Variants in BACH2 observed in about 807,000 individuals in gnomAD.
The protein encoded by BACH2 is BACH transcriptional regulator 2, also known as transcription regulator protein BACH2.
Under a neutral mutation model 61.8 loss-of-function variants are expected in BACH2, and 5 were observed. The ratio of observed to expected loss-of-function variants is 0.08; its 90% CI spans 0.04 to 0.17. The LOEUF (loss-of-function observed/expected upper bound fraction) is 0.17, where lower values mean the gene tolerates loss of function less well. Among genes scored for constraint, BACH2 ranks in the 10% least tolerant of loss-of-function variants. The pLI is 1.00. For synonymous variants in BACH2, 446 were observed against 440.1 expected (o/e 1.01, Z -0.17); for missense variants, 824 against 1,091.1 (o/e 0.76, Z 3.45).
At chr6:90,177,006 GTTAAT>G (rs1768004553) in intron 4 of BACH2, among the ~76,000 whole-genome samples, 2 of 152,034 alleles carry the variant, frequency 1.3e-5, no homozygotes, top group African/African-American at 4.8e-5. Context: ...ATGTTAATAT[GTTAAT>G]TTAATATGTT....
intron 3 of BACH2, among the ~76,000 whole-genome samples, chr6:90,231,471 C>A (rs1770093942): frequency 6.6e-6 from 1 of 152,206 alleles, no homozygotes; most frequent in African/African-American, 2.4e-5. Context: ...ACATTCACAT[C>A]CTGTTACCAA....
chr6:90,226,185 T>G (rs997923492), intron 3 of BACH2, among the ~76,000 whole-genome samples: 3 of 152,048 alleles, frequency 2.0e-5, no homozygotes, highest in African/African-American at 7.2e-5. Flanking sequence ...ACAGCATGAA[T>G]AGCTTTATGA....
chr6:89,945,824 G>C (rs1773689167), intron 7 of BACH2, among the ~76,000 whole-genome samples: 1 of 152,164 alleles, frequency 6.6e-6, no homozygotes. Flanking sequence ...GGTGCTCCCA[G>C]TTTTTTCTTA....
At chr6:90,166,879 G>A (rs959467566) in intron 4 of BACH2, among the ~76,000 whole-genome samples, 3 of 145,282 alleles carry the variant, frequency 2.1e-5, no homozygotes, top group African/African-American at 7.6e-5. Flanking sequence ...ACACAGGAAG[G>A]GGAACATCAC....
intron 3 of BACH2, among the ~76,000 whole-genome samples, chr6:90,250,137 T>A (rs1465047460): frequency 6.6e-6 from 1 of 152,196 alleles, no homozygotes; most frequent in Non-Finnish European, 1.5e-5. Context: ...AAGAACAAGA[T>A]GATTCATATA....
intron 4 of BACH2, among the ~76,000 whole-genome samples, chr6:90,146,112 T>G (rs938535244): frequency 1.3e-5 from 2 of 152,262 alleles, no homozygotes; most frequent in Non-Finnish European, 2.9e-5. Flanking sequence ...GAATAATTTA[T>G]TTTTAAGATT....
intron 3 of BACH2, among the ~76,000 whole-genome samples, chr6:90,218,498 TTTTC>T (rs907869592): frequency 1.5e-4 from 22 of 148,430 alleles, no homozygotes; most frequent in Middle Eastern, 3.4e-3. Flanking sequence ...CCTCTTTTTC[TTTTC>T]TTTCTTTTTT....
intron 4 of BACH2, among the ~76,000 whole-genome samples, chr6:90,161,020 G>A (rs996298562): frequency 2.2e-4 from 33 of 151,302 alleles, no homozygotes; most frequent in African/African-American, 7.5e-4. Flanking sequence ...CCCGGGAGGC[G>A]GAGCTTGCAG....
intron 6 of BACH2, among the ~76,000 whole-genome samples, chr6:89,999,847 T>C (rs1777043485): frequency 1.3e-5 from 2 of 152,336 alleles, no homozygotes; most frequent in Non-Finnish European, 2.9e-5. Flanking sequence ...TAAATCTATT[T>C]CAAAATGTTG....
chr6:90,080,180 A>G (rs371319004), intron 5 of BACH2, among the ~76,000 whole-genome samples: 5 of 152,170 alleles, frequency 3.3e-5, no homozygotes, highest in Admixed American at 1.3e-4. Flanking sequence ...AAGTTCTTCA[A>G]ATTAACAAAA....
intron 4 of BACH2, among the ~76,000 whole-genome samples, chr6:90,107,792 C>T (rs1011419521): frequency 6.6e-6 from 1 of 151,612 alleles, no homozygotes; most frequent in African/African-American, 2.4e-5. Context: ...TGTCTATTCA[C>T]TCGGTGGCAA....
chr6:90,158,428 T>TGGGTAGGG (rs151159648), intron 4 of BACH2, among the ~76,000 whole-genome samples: 5,344 of 151,980 alleles, frequency 0.035, 142 homozygotes, highest in East Asian at 0.091. Flanking sequence ...GAAAGGCAGG[T>TGGGTAGGG]GTGGGAGGCA....
rs138869202 is a variant in BACH2 at position 90,295,654 on chromosome 6, GGTGTGTGTGT to G, written c.-446+816_-446+825del. ...CTGGGGCTTGGAGACTGGAGTGTAG[GGTGTGTGTGT>G]GTGTGTGTGTGTGTGTGTGTTGCAC... On this transcript the variant is annotated intron_variant, in intron 1 of 8. Transcript: ENST00000257749. Among the ~76,000 whole-genome samples the G allele has an allele frequency of 1.0e-4, 15 of 147,828 alleles. No individual in the cohort carries two copies. The South Asian group carries it at 1.3e-3, about 13-fold the overall frequency.
At chr6:90,130,973 G>T (rs561440969) in intron 4 of BACH2, among the ~76,000 whole-genome samples, 33 of 152,310 alleles carry the variant, frequency 2.2e-4, no homozygotes, top group African/African-American at 7.2e-4. Context: ...AATGTTTTGG[G>T]AAGCATAAAC....
intron 6 of BACH2, among the ~76,000 whole-genome samples, chr6:90,004,229 T>C (rs1194262926): frequency 6.6e-6 from 1 of 152,176 alleles, no homozygotes; most frequent in Non-Finnish European, 1.5e-5. Flanking sequence ...TGCCTTTTCT[T>C]TAGAATCCTT....
rs374503719 is a variant in BACH2 at position 90,127,193 on chromosome 6, A to G, written c.-161-38084T>C. Among the ~76,000 whole-genome samples, 6 of 152,314 alleles carry G rather than the reference A, an allele frequency of 3.9e-5. No homozygotes were observed. The East Asian group carries it at 1.2e-3, about 29-fold the overall frequency. On this transcript the variant is annotated intron_variant, in intron 4 of 8. Coordinates refer to ENST00000257749, the MANE Select transcript of BACH2 (RefSeq NM_021813.4). ...ACACTTACCCTCTTTTCCAGCCCAT[A>G]CACACTGAAGTTGCTCCAAAGAGAG...
In BACH2 at chr6:89,956,330, C is replaced by A. The variant is rs560276633; in HGVS notation, c.244-4468G>T. 5.9e-5 allele frequency among the ~76,000 whole-genome samples: 9 copies of A among 152,284 alleles called. No individual in the cohort carries two copies. The East Asian group carries it at 9.6e-4, about 16-fold the overall frequency. ...TCGGAGAAGGCAGAAAGTTAACCCT[C>A]CAACCTCCCACAGACTGCTTCCTAG... On this transcript the variant is annotated intron_variant, in intron 6 of 8. Coordinates refer to ENST00000257749, the MANE Select transcript of BACH2 (RefSeq NM_021813.4).
At chr6:90,194,865 C>A (rs1768701616) in intron 4 of BACH2, among the ~76,000 whole-genome samples, 1 of 152,202 alleles carries the variant, frequency 6.6e-6, no homozygotes, top group South Asian at 2.1e-4. Flanking sequence ...AAACCTCTGA[C>A]AGCACACACT....
chr6:90,219,870 T>C (rs1032164383), intron 3 of BACH2, among the ~76,000 whole-genome samples: 1 of 152,058 alleles, frequency 6.6e-6, no homozygotes, highest in African/African-American at 2.4e-5. Flanking sequence ...TCACACAGGA[T>C]GACATACCAC....
Sources: allele counts gnomAD v4.1 joint callset (sites outside exome capture counted in the v4.1 genomes callset), GRCh38; gene constraint gnomAD v4.1.1; transcripts MANE v1.5; gene names NCBI Gene and HGNC (gene_info 2026-07-23, HGNC 2026-07-21).